The following ITPR1 variants were observed in gnomAD, a reference collection of about 807,000 sequenced individuals.
ITPR1 encodes inositol 1,4,5-trisphosphate receptor type 1.
In ITPR1, 96 loss-of-function variants were observed where a neutral mutation model predicts 318.4. The observed-to-expected ratio is 0.30, with a 90% CI of 0.26 to 0.36. ITPR1 has a LOEUF of 0.36. Ranked by LOEUF, ITPR1 falls within the 10% of genes least tolerant of loss-of-function variation. ITPR1 has a pLI of 1.00. For synonymous variants in ITPR1, 1,312 were observed against 1,289.9 expected (o/e 1.02, Z -0.37); for missense variants, 2,440 against 3,460.2 (o/e 0.71, Z 7.40).
intron 21 of ITPR1, 88 bp from the exon 22 acceptor site, chr3:4,674,114 A>T (rs2094140635): frequency 1.0e-6 from 1 of 1,002,982 alleles, no homozygotes; most frequent in Non-Finnish European, 1.5e-6. Flanking sequence ...GGGTTAGGGG[A>T]TGTTGACTTT....
At chr3:4,496,245 A>G (rs571530203) in intron 2 of ITPR1, among the ~76,000 whole-genome samples, 4 of 152,342 alleles carry the variant, frequency 2.6e-5, no homozygotes, top group South Asian at 4.1e-4. Flanking sequence ...ATACCTTTTC[A>G]TATACCTTCC....
At chr3:4,726,795 T>C (rs1056514029) in intron 41 of ITPR1, among the ~76,000 whole-genome samples, 1 of 152,200 alleles carries the variant, frequency 6.6e-6, no homozygotes, top group Admixed American at 6.5e-5. Flanking sequence ...GATTGAGTCT[T>C]GCATTACAAC....
chr3:4,717,363 C>T lies in ITPR1; in HGVS notation c.5104-4C>T. 6.3e-7 allele frequency: 1 copy of T among 1,587,750 alleles called. No individual in the cohort carries two copies. The highest frequency in any genetic ancestry group is 8.5e-7 in the Non-Finnish European group (1 of 1,173,388). ...CTCTCTCTCTCCCCTTTTTTCTTTTCCAGCTAATTTCCATTGATGAATTGG... is the reference window on the plus strand; with the variant it reads ...CTCTCTCTCTCCCCTTTTTTCTTTTTCAGCTAATTTCCATTGATGAATTGG... On this transcript the variant is annotated splice_polypyrimidine_tract_variant and splice_region_variant and intron_variant, in intron 39 of 61. Coordinates refer to ENST00000649015, the MANE Select transcript of ITPR1 (RefSeq NM_001378452.1).
intron 30 of ITPR1, among the ~76,000 whole-genome samples, chr3:4,685,892 CTG>C (rs1361009202): frequency 1.3e-5 from 2 of 152,180 alleles, no homozygotes; most frequent in African/African-American, 4.8e-5. Context: ...GATGAGGAGA[CTG>C]AGGCTTGGGG....
At chr3:4,807,677 G>C (rs1222195991) in intron 55 of ITPR1, among the ~76,000 whole-genome samples, 1 of 152,212 alleles carries the variant, frequency 6.6e-6, no homozygotes, top group Non-Finnish European at 1.5e-5. Context: ...AAAGGGAATG[G>C]ATTCTTTTCC....
chr3:4,692,627 A>G (rs1472579684), intron 32 of ITPR1, among the ~76,000 whole-genome samples: 1 of 152,206 alleles, frequency 6.6e-6, no homozygotes, highest in Non-Finnish European at 1.5e-5. Context: ...TACTTCATGT[A>G]CTGCTGATGA....
intron 5 of ITPR1, among the ~76,000 whole-genome samples, chr3:4,638,089 G>A (rs1190961191): frequency 2.0e-5 from 3 of 152,136 alleles, no homozygotes; most frequent in East Asian, 1.9e-4. Context: ...TAATGAAGCC[G>A]GTAGGTAGGC....
chr3:4,733,185 T>A lies in ITPR1; in HGVS notation c.5318T>A (p.Leu1773Gln). 1.2e-6 allele frequency: 2 copies of A among 1,614,040 alleles called. No individual in the cohort carries two copies. Among genetic ancestry groups the A allele is most frequent in the Non-Finnish European group, 1.7e-6 (2 of 1,179,880 alleles). The change falls in exon 43 of 62, where the codon CTG (leucine) becomes CAG (glutamine). Residue 1773 changes from leucine (L) to glutamine (Q), a missense_variant. Coordinates refer to ENST00000649015, the MANE Select transcript of ITPR1 (RefSeq NM_001378452.1). Reference protein sequence around the residue: ...ESLTSFGNGPLSAGGPGKPGG... With the variant: ...ESLTSFGNGPQSAGGPGKPGG... Reference sequence around the variant, plus strand: ...CTTACCAGCTTTGGCAATGGCCCACTGTCAGCAGGAGGACCCGGCAAGCCC... The same window carrying A: ...CTTACCAGCTTTGGCAATGGCCCACAGTCAGCAGGAGGACCCGGCAAGCCC...
intron 52 of ITPR1, among the ~76,000 whole-genome samples, chr3:4,794,452 A>G (rs1018182594): frequency 6.6e-6 from 1 of 152,216 alleles, no homozygotes; most frequent in African/African-American, 2.4e-5. Context: ...CCTGTCCTCA[A>G]GAATGATCAT....
rs370999621 is a variant in ITPR1 at position 4,779,676 on chromosome 3, C to T, written c.6387+31C>T. 3.3e-4 allele frequency: 477 copies of T among 1,461,694 alleles called. 3 individuals carry two copies. The African/African-American group carries it at 5.3e-3, about 16-fold the overall frequency. The allele number at this position is 1,461,694 out of a possible 1,614,324, so 90.5% of individuals were successfully genotyped here. A position where few individuals can be genotyped will look rare whatever the true frequency, so the allele number is the denominator to read the frequency against. On this transcript the variant is annotated intron_variant, in intron 49 of 61. Transcript: ENST00000649015. This position sits in a 1 kb window ranked among gnomAD's most constrained non-coding sequence, Gnocchi z 4.0. ...TCGGGTGACGGATCTGATGGTAGCA[C>T]CAAGGAGCATTGCGACGATATTTGG...
intron 24 of ITPR1, among the ~76,000 whole-genome samples, chr3:4,678,195 A>G (rs997745609): frequency 6.6e-6 from 1 of 152,236 alleles, no homozygotes; most frequent in Non-Finnish European, 1.5e-5. Context: ...TAGGACGATA[A>G]AGACAGCTTA....
intron 2 of ITPR1, among the ~76,000 whole-genome samples, chr3:4,496,363 C>G (rs2124859407): frequency 6.6e-6 from 1 of 152,084 alleles, no homozygotes; most frequent in East Asian, 1.9e-4. Context: ...AAAGTACAAT[C>G]TGCTCTTTGA....
chr3:4,766,381 G>A (rs1264447016), intron 44 of ITPR1, 149 bp from the exon 45 acceptor site: 2 of 607,466 alleles, frequency 3.3e-6, no homozygotes, highest in Non-Finnish European at 5.8e-6. Context: ...GAACTACAGT[G>A]TGTGGAGTGG....
At chr3:4,499,968 T>C (rs1359226289) in intron 2 of ITPR1, among the ~76,000 whole-genome samples, 1 of 152,216 alleles carries the variant, frequency 6.6e-6, no homozygotes, top group Non-Finnish European at 1.5e-5. Flanking sequence ...GGATGTCTAC[T>C]CTTGTTATAT....
chr3:4,556,582 T>C (rs144432496), intron 4 of ITPR1, among the ~76,000 whole-genome samples: 56 of 152,176 alleles, frequency 3.7e-4, no homozygotes, highest in African/African-American at 1.2e-3. Context: ...CCTTTCCTGA[T>C]TGGCTTCTTT....
chr3:4,722,886 C>T (rs954285889), intron 40 of ITPR1, among the ~76,000 whole-genome samples: 1 of 152,210 alleles, frequency 6.6e-6, no homozygotes, highest in African/African-American at 2.4e-5. Flanking sequence ...TGGTGACTCA[C>T]ACCTGTAATC....
chr3:4,694,853 A>G (rs949444502), intron 33 of ITPR1, among the ~76,000 whole-genome samples: 7 of 152,336 alleles, frequency 4.6e-5, no homozygotes, highest in African/African-American at 1.7e-4. Context: ...GTAAACCATG[A>G]AAAGTCTTAT....
At chr3:4,839,753 T>C (rs569920350) in intron 61 of ITPR1, among the ~76,000 whole-genome samples, 4 of 152,196 alleles carry the variant, frequency 2.6e-5, no homozygotes, top group Non-Finnish European at 1.5e-5. Flanking sequence ...TGATTACATA[T>C]GGACTAAGGT....
intron 18 of ITPR1, among the ~76,000 whole-genome samples, chr3:4,668,773 C>T (rs1183598804): frequency 6.6e-6 from 1 of 152,160 alleles, no homozygotes; most frequent in Non-Finnish European, 1.5e-5. Flanking sequence ...GCCTCATTCA[C>T]TTTTTAGCAC....
Sources: gnomAD v4.1 joint callset for allele counts (sites outside exome capture counted in the v4.1 genomes callset) on GRCh38, gnomAD v4.1.1 for gene constraint, Gnocchi (gnomAD v3.1) non-coding constraint, MANE v1.5 for transcripts, NCBI Gene and HGNC (gene_info 2026-07-23, HGNC 2026-07-21) for gene names.